The following PCDH9 variants were observed in gnomAD, a reference collection of about 807,000 sequenced individuals.
PCDH9 encodes protocadherin 9.
PCDH9 carries 24 observed loss-of-function variants against 70.6 expected under a neutral mutation model. That is an observed-to-expected ratio of 0.34 (90% CI 0.25 to 0.48). PCDH9 has a LOEUF of 0.48. Among genes scored for constraint, PCDH9 ranks in the 20% least tolerant of loss-of-function variants. The pLI is 0.99. For synonymous variants in PCDH9, 562 were observed against 558.5 expected (o/e 1.01, Z -0.09); for missense variants, 1,281 against 1,503.6 (o/e 0.85, Z 2.45).
chr13:66,979,202 T>A (rs1032466582), intron 2 of PCDH9, among the ~76,000 whole-genome samples: 4 of 151,984 alleles, frequency 2.6e-5, no homozygotes, highest in Non-Finnish European at 5.9e-5. Flanking sequence ...TCTTTGAGGG[T>A]TATCAACCTG....
At chr13:66,961,749 A>G (rs1369790968) in intron 2 of PCDH9, among the ~76,000 whole-genome samples, 2 of 152,154 alleles carry the variant, frequency 1.3e-5, no homozygotes, top group African/African-American at 4.8e-5. Context: ...TTGATGATAA[A>G]CTTTGATTAT....
At chr13:66,590,183 T>C (rs1227450295) in intron 4 of PCDH9, among the ~76,000 whole-genome samples, 1 of 152,030 alleles carries the variant, frequency 6.6e-6, no homozygotes, top group Non-Finnish European at 1.5e-5. Flanking sequence ...CATGTTGTTT[T>C]AAGGTTTCCT....
chr13:67,226,405 G>A lies in PCDH9; in HGVS notation c.2036C>T (p.Pro679Leu), dbSNP rs757994017. The A allele has an allele frequency of 1.2e-6, 2 of 1,614,128 alleles. No individual in the cohort carries two copies. Among genetic ancestry groups the A allele is most frequent in the Admixed American group, 1.7e-5 (1 of 60,008 alleles). The change falls in exon 2 of 5, where the codon CCG (proline) becomes CTG (leucine). Residue 679 changes from proline to leucine, a missense_variant. By Grantham distance (98) the Pro-to-Leu change is moderately conservative. Coordinates refer to ENST00000377865, the MANE Select transcript of PCDH9 (RefSeq NM_203487.3). The surrounding 1 kb of genome is among the most constrained non-coding windows in gnomAD (Gnocchi z 5.0). ...NDNSPVVISP[P>L]SNTSFKLVPL... ...CACCAACTTAAAGGAAGTATTAGACGGTGGAGAAATGACAACTGGGCTGTT... is the reference window on the plus strand; with the variant it reads ...CACCAACTTAAAGGAAGTATTAGACAGTGGAGAAATGACAACTGGGCTGTT...
At chr13:66,607,748 C>T (rs568696960) in intron 4 of PCDH9, among the ~76,000 whole-genome samples, 1 of 152,072 alleles carries the variant, frequency 6.6e-6, no homozygotes, top group South Asian at 2.1e-4. Context: ...GTGTTGGCTA[C>T]AGTAAAGTGG....
intron 3 of PCDH9, among the ~76,000 whole-genome samples, chr13:66,798,607 C>A (rs768728760): frequency 6.6e-6 from 1 of 152,068 alleles, no homozygotes; most frequent in African/African-American, 2.4e-5. Context: ...GGAAATCTAC[C>A]CTGGGCAACT....
intron 2 of PCDH9, chr13:67,214,196 G>A (rs952203562): frequency 6.6e-6 from 1 of 152,160 alleles, no homozygotes; most frequent in African/African-American, 2.4e-5. Flanking sequence ...CTTATAAAAT[G>A]AATATAAGTT....
intron 3 of PCDH9, among the ~76,000 whole-genome samples, chr13:66,856,390 GAAC>G (rs2081394915): frequency 6.6e-6 from 1 of 151,906 alleles, no homozygotes; most frequent in East Asian, 1.9e-4. Context: ...AATAAATATG[GAAC>G]AAAGTAATAA....
At chr13:66,465,817 A>G (rs1323128987) in intron 4 of PCDH9, among the ~76,000 whole-genome samples, 1 of 151,960 alleles carries the variant, frequency 6.6e-6, no homozygotes, top group African/African-American at 2.4e-5. Flanking sequence ...TTTCTATATT[A>G]GCCAATAAAA....
At chr13:66,694,385 A>G (rs2078529637) in intron 3 of PCDH9, among the ~76,000 whole-genome samples, 1 of 152,220 alleles carries the variant, frequency 6.6e-6, no homozygotes, top group South Asian at 2.1e-4. Context: ...GAAAAACATT[A>G]TCACACAACT....
chr13:67,175,177 G>A (rs1229491171), intron 2 of PCDH9, among the ~76,000 whole-genome samples: 1 of 151,970 alleles, frequency 6.6e-6, no homozygotes, highest in Non-Finnish European at 1.5e-5. Context: ...TCCTCTCCAA[G>A]CTCTGGACAA....
intron 2 of PCDH9, among the ~76,000 whole-genome samples, chr13:67,035,268 G>T (rs1017209356): frequency 1.3e-5 from 2 of 151,980 alleles, no homozygotes; most frequent in African/African-American, 2.4e-5. Flanking sequence ...TCATATCAAG[G>T]TTTATTCTTA....
intron 3 of PCDH9, among the ~76,000 whole-genome samples, chr13:66,662,753 A>C (rs9540864): frequency 0.57 from 86,834 of 151,918 alleles, 25,194 homozygotes; most frequent in African/African-American, 0.66. Context: ...TAATAACTCC[A>C]GTTCAAGGGC....
intron 3 of PCDH9, among the ~76,000 whole-genome samples, chr13:66,846,590 C>G (rs1386294161): frequency 2.6e-5 from 4 of 151,770 alleles, no homozygotes; most frequent in Admixed American, 1.3e-4. Flanking sequence ...TTATTTTTCT[C>G]TTGCTTTATA....
At chr13:66,323,056 G>A (rs1043601496) in intron 4 of PCDH9, 1 of 152,004 alleles carries the variant, frequency 6.6e-6, no homozygotes, top group Non-Finnish European at 1.5e-5. Flanking sequence ...GCATTTCCAA[G>A]CATTCATATA....
intron 4 of PCDH9, among the ~76,000 whole-genome samples, chr13:66,615,523 T>C (rs2077344773): frequency 6.6e-6 from 1 of 152,232 alleles, no homozygotes; most frequent in Non-Finnish European, 1.5e-5. Flanking sequence ...TGTCATCTTG[T>C]TTTAATCCTT....
At chr13:66,663,275 C>T (rs9564329) in intron 3 of PCDH9, among the ~76,000 whole-genome samples, 86,418 of 151,924 alleles carry the variant, frequency 0.57, 24,902 homozygotes, top group African/African-American at 0.65. Context: ...CAAAGTAAAA[C>T]AAAATAAGTC....
intron 2 of PCDH9, among the ~76,000 whole-genome samples, chr13:66,966,315 T>C (rs771911934): frequency 1.3e-5 from 2 of 152,046 alleles, no homozygotes; most frequent in African/African-American, 4.8e-5. Flanking sequence ...ACATAAAACA[T>C]GTTTATAAAA....
chr13:67,211,143 T>A (rs1173191735), intron 2 of PCDH9: 1 of 152,018 alleles, frequency 6.6e-6, no homozygotes, highest in Non-Finnish European at 1.5e-5. Flanking sequence ...ATCAACCCAA[T>A]AATAATTTCT....
chr13:66,312,079 A>C (rs759667586), intron 4 of PCDH9, among the ~76,000 whole-genome samples: 8 of 152,176 alleles, frequency 5.3e-5, no homozygotes, highest in Non-Finnish European at 1.0e-4. Context: ...CAGATAGGCA[A>C]ACAAATAAAT....
Sources: gnomAD v4.1 joint callset for allele counts (sites outside exome capture counted in the v4.1 genomes callset) on GRCh38, gnomAD v4.1.1 for gene constraint, Gnocchi (gnomAD v3.1) non-coding constraint, MANE v1.5 for transcripts, NCBI Gene and HGNC (gene_info 2026-07-23, HGNC 2026-07-21) for gene names.